Variants in GMDS observed in about 807,000 individuals in gnomAD.
GMDS encodes GDP-mannose 4,6 dehydratase.
A neutral mutation model predicts 49.9 loss-of-function variants in GMDS; 20 were observed. The ratio of observed to expected loss-of-function variants is 0.40; its 90% CI spans 0.28 to 0.58. GMDS has a LOEUF of 0.58. Ranked by LOEUF, GMDS falls within the 20% of genes least tolerant of loss-of-function variation. The probability of loss-of-function intolerance (pLI) is 0.42; values close to 1 mark genes in which losing one functional copy is unlikely to be tolerated. For missense variants in GMDS, 362 were observed against 481.4 expected, an observed-to-expected ratio of 0.75 and a Z score of 2.32; for synonymous variants, 177 against 178.6, an observed-to-expected ratio of 0.99 and a Z score of 0.07.
intron 4 of GMDS, among the ~76,000 whole-genome samples, chr6:2,074,437 TA>T (rs61052043): frequency 0.011 from 1,689 of 152,264 alleles, 35 homozygotes; most frequent in African/African-American, 0.039. Flanking sequence ...AGTTTGCAAA[TA>T]TTTTTTTCCG....
chr6:2,054,979 G>C (rs574559223), intron 4 of GMDS, among the ~76,000 whole-genome samples: 2 of 151,866 alleles, frequency 1.3e-5, no homozygotes, highest in African/African-American at 2.4e-5. Flanking sequence ...ATGAATGAAA[G>C]GAATATCATC....
intron 4 of GMDS, among the ~76,000 whole-genome samples, chr6:2,056,660 C>T (rs1199883177): frequency 6.6e-6 from 1 of 152,126 alleles, no homozygotes; most frequent in African/African-American, 2.4e-5. Context: ...TCAAAATCTC[C>T]AGGATTAGAA....
intron 9 of GMDS, among the ~76,000 whole-genome samples, chr6:1,714,901 C>T (rs1766118436): frequency 6.6e-6 from 1 of 152,232 alleles, no homozygotes; most frequent in Non-Finnish European, 1.5e-5. Context: ...AGCCGGGCTG[C>T]AGTGGCTGTA....
chr6:1,685,675 G>A (rs6905377), intron 9 of GMDS, among the ~76,000 whole-genome samples: 53,757 of 151,724 alleles, frequency 0.35, 9,810 homozygotes, highest in East Asian at 0.49. Flanking sequence ...CAAGCTGGCC[G>A]CACAGAGCAC....
intron 7 of GMDS, among the ~76,000 whole-genome samples, chr6:1,756,900 C>T (rs6902625): frequency 0.011 from 1,648 of 152,306 alleles, 23 homozygotes; most frequent in African/African-American, 0.037. Context: ...TTCCTCCGCA[C>T]GCATTGGCGA....
At chr6:2,229,606 A>T (rs1780986032) in intron 1 of GMDS, among the ~76,000 whole-genome samples, 1 of 152,072 alleles carries the variant, frequency 6.6e-6, no homozygotes, top group African/African-American at 2.4e-5. Context: ...TGTGACACCC[A>T]GTGAGTACTG....
chr6:1,724,217 C>T (rs181732320), intron 9 of GMDS, among the ~76,000 whole-genome samples: 18 of 152,228 alleles, frequency 1.2e-4, no homozygotes, highest in Admixed American at 3.9e-4. Flanking sequence ...AGAGCCAAAT[C>T]GGTGGAAAAA....
intron 7 of GMDS, among the ~76,000 whole-genome samples, chr6:1,760,753 G>C (rs1314505195): frequency 6.6e-6 from 1 of 152,204 alleles, no homozygotes; most frequent in Admixed American, 6.5e-5. Flanking sequence ...TCAGTACTCT[G>C]AAAAACATGC....
chr6:2,234,678 C>T (rs1360768323), intron 1 of GMDS, among the ~76,000 whole-genome samples: 2 of 152,114 alleles, frequency 1.3e-5, no homozygotes, highest in Non-Finnish European at 2.9e-5. Context: ...TTTCTGACCT[C>T]GAGGGCAGGC....
chr6:2,156,212 T>C (rs1777107472), intron 1 of GMDS, among the ~76,000 whole-genome samples: 1 of 152,168 alleles, frequency 6.6e-6, no homozygotes, highest in Admixed American at 6.5e-5. Flanking sequence ...GGTTCTCCCA[T>C]ATTTGTTTGT....
chr6:2,069,701 A>C (rs1415996435), intron 4 of GMDS, among the ~76,000 whole-genome samples: 1 of 152,214 alleles, frequency 6.6e-6, no homozygotes, highest in Non-Finnish European at 1.5e-5. Context: ...AGAAATGCAA[A>C]TCAAAACCAC....
intron 9 of GMDS, among the ~76,000 whole-genome samples, chr6:1,720,334 T>C (rs887631516): frequency 5.9e-5 from 9 of 152,224 alleles, no homozygotes; most frequent in African/African-American, 1.9e-4. Context: ...AACAGTGGAA[T>C]ATTTAAGAAT....
chr6:1,992,090 T>C (rs756009744), intron 4 of GMDS, among the ~76,000 whole-genome samples: 1 of 152,228 alleles, frequency 6.6e-6, no homozygotes, highest in Non-Finnish European at 1.5e-5. Flanking sequence ...AGACAATAAA[T>C]GCCTTTTGTT....
Position 1,793,573 on chromosome 6 carries a change from C to T in GMDS, c.772-50987G>A, listed in dbSNP as rs1354209478. Among the ~76,000 whole-genome samples, 3 of 152,162 alleles carry T rather than the reference C, an allele frequency of 2.0e-5. No homozygotes were observed. The East Asian group carries it at 5.8e-4, about 29-fold the overall frequency. On this transcript the variant is annotated intron_variant, in intron 7 of 10. Coordinates refer to ENST00000380815, the MANE Select transcript of GMDS (RefSeq NM_001500.4). ...AGGACACCTGGATGTTTCTGAGCCA[C>T]CGCAGGTGGAGACTGGAGTACCTTG...
chr6:1,854,926 C>G (rs1757879447), intron 7 of GMDS, among the ~76,000 whole-genome samples: 1 of 152,172 alleles, frequency 6.6e-6, no homozygotes, highest in African/African-American at 2.4e-5. Context: ...CCATTCTTCA[C>G]TATTAACTGA....
intron 9 of GMDS, among the ~76,000 whole-genome samples, chr6:1,645,705 T>C (rs1012315243): frequency 1.3e-5 from 2 of 152,224 alleles, no homozygotes; most frequent in Non-Finnish European, 1.5e-5. Context: ...GCCTTTGCCT[T>C]TCTCCTGGAT....
intron 7 of GMDS, among the ~76,000 whole-genome samples, chr6:1,826,216 T>C (rs769594929): frequency 6.6e-6 from 1 of 152,182 alleles, no homozygotes; most frequent in Non-Finnish European, 1.5e-5. Context: ...AAGGTAATTG[T>C]GCTATGATGT....
chr6:1,992,543 C>A (rs1439920787), intron 4 of GMDS, among the ~76,000 whole-genome samples: 2 of 152,188 alleles, frequency 1.3e-5, no homozygotes, highest in Non-Finnish European at 2.9e-5. Context: ...TAAAATGTTT[C>A]CCCTAGAAAT....
intron 4 of GMDS, among the ~76,000 whole-genome samples, chr6:2,056,780 T>A (rs17134633): frequency 4.6e-5 from 7 of 152,192 alleles, no homozygotes. Flanking sequence ...TAATTTTTTT[T>A]CCATTGGTAT....
Sources: allele counts gnomAD v4.1 joint callset (sites outside exome capture counted in the v4.1 genomes callset), GRCh38; gene constraint gnomAD v4.1.1; transcripts MANE v1.5; gene names NCBI Gene and HGNC (gene_info 2026-07-23, HGNC 2026-07-21).